Variants in IL1RAP observed in about 807,000 individuals in gnomAD.
The protein encoded by IL1RAP is interleukin 1 receptor accessory protein.
In IL1RAP, 35 loss-of-function variants were observed where a neutral mutation model predicts 60.7. The ratio of observed to expected loss-of-function variants is 0.58; its 90% CI spans 0.44 to 0.76. The LOEUF is 0.76. IL1RAP is among the 30% of genes least tolerant of loss of function. The pLI is 0.00. For synonymous variants in IL1RAP, 268 were observed against 250.9 expected, an observed-to-expected ratio of 1.07 and a Z score of -0.64; for missense variants, 572 against 693.9, an observed-to-expected ratio of 0.82 and a Z score of 1.97.
chr3:190,654,190 T>TCA (rs57074064), downstream of IL1RAP, among the ~76,000 whole-genome samples: 11,350 of 140,218 alleles, frequency 0.081, 460 homozygotes, highest in Middle Eastern at 0.094. Context: ...AAACATCATA[T>TCA]CACACACACA....
chr3:190,639,388 C>A (rs1398343099), intron 9 of IL1RAP, among the ~76,000 whole-genome samples: 1 of 152,066 alleles, frequency 6.6e-6, no homozygotes, highest in East Asian at 1.9e-4. Flanking sequence ...TGGCCATTTT[C>A]TTTGTGATGT....
At chr3:190,634,700 C>T (rs1733054442) in intron 9 of IL1RAP, among the ~76,000 whole-genome samples, 1 of 147,912 alleles carries the variant, frequency 6.8e-6, no homozygotes, top group African/African-American at 2.6e-5. Context: ...CTATCTGGGC[C>T]TGTTGTGTTT....
chr3:190,565,326 C>T (rs2108630727), intron 3 of IL1RAP, among the ~76,000 whole-genome samples: 2 of 152,240 alleles, frequency 1.3e-5, no homozygotes, highest in South Asian at 4.1e-4. Flanking sequence ...CATATCGTTG[C>T]TTTAATTCCT....
chr3:190,656,176 C>T (rs1734613366), downstream of IL1RAP: 1 of 1,537,254 alleles, frequency 6.5e-7, no homozygotes, highest in East Asian at 2.4e-5. Context: ...GTTGGCTCTT[C>T]CCCTGAGAAG....
intron 1 of IL1RAP, among the ~76,000 whole-genome samples, chr3:190,523,803 A>G (rs756515019): frequency 6.6e-6 from 1 of 152,132 alleles, no homozygotes; most frequent in Non-Finnish European, 1.5e-5. Context: ...TGTCTTTGCT[A>G]TTGTGAATAG....
At chr3:190,522,686 T>C (rs1228661171) in intron 1 of IL1RAP, among the ~76,000 whole-genome samples, 1 of 151,954 alleles carries the variant, frequency 6.6e-6, no homozygotes, top group Non-Finnish European at 1.5e-5. Context: ...TGGCAAACAA[T>C]TGGGATGGCA....
intron 5 of IL1RAP, chr3:190,615,338 T>C (rs748607220): frequency 4.7e-6 from 6 of 1,267,900 alleles, no homozygotes; most frequent in South Asian, 1.2e-5. Flanking sequence ...TCCAAACATA[T>C]AGAAGTAAAG....
chr3:190,624,759 G>T, intron 7 of IL1RAP: 1 of 189,190 alleles, frequency 5.3e-6, no homozygotes. Flanking sequence ...GAGTATGTAG[G>T]ATATGTATCA....
intron 7 of IL1RAP, among the ~76,000 whole-genome samples, chr3:190,626,654 T>G (rs1732294123): frequency 6.7e-6 from 1 of 150,162 alleles, no homozygotes; most frequent in Non-Finnish European, 1.5e-5. Context: ...AAAAGAATAT[T>G]GTCAGAGACC....
At chr3:190,620,545 A>G in intron 6 of IL1RAP, 105 bp downstream of exon 6, 1 of 1,051,298 alleles carries the variant, frequency 9.5e-7, no homozygotes, top group South Asian at 1.5e-5. Flanking sequence ...AAGAAAAGTG[A>G]TTCATGTTTT....
At chr3:190,630,543 G>A (rs1393755729) in intron 9 of IL1RAP, among the ~76,000 whole-genome samples, 1 of 152,140 alleles carries the variant, frequency 6.6e-6, no homozygotes, top group Non-Finnish European at 1.5e-5. Flanking sequence ...TGAAAAACAG[G>A]ATTCACCTCA....
chr3:190,655,917 T>C (rs1734606421), downstream of IL1RAP: 1 of 1,537,362 alleles, frequency 6.5e-7, no homozygotes. Context: ...TTGATTTCAT[T>C]CAGAGAAGCA....
rs1361515083 is a variant in IL1RAP at position 190,623,356 on chromosome 3, A to G, written c.716A>G (p.Asn239Ser). ...LTVKVVGSPK[N>S]AVPPVIHSPN... ...TCCTCTAACACAGGCTCTCCAAAAA[A>G]TGCAGTGCCCCCTGTGATCCATTCA... Residue 239 changes from asparagine (N) to serine (S), a missense_variant, in exon 7 of 12, where the codon AAT (asparagine) becomes AGT (serine). Asn to Ser is a conservative substitution (Grantham distance 46). Transcript: ENST00000447382. The G allele has an allele frequency of 6.2e-7, 1 of 1,613,262 alleles. No individual in the cohort carries two copies. Among genetic ancestry groups the G allele is most frequent in the Admixed American group, 1.7e-5 (1 of 60,020 alleles).
intron 3 of IL1RAP, among the ~76,000 whole-genome samples, chr3:190,567,803 T>G (rs1356948392): frequency 6.6e-6 from 1 of 152,210 alleles, no homozygotes; most frequent in Admixed American, 6.5e-5. Context: ...TAATACAAAA[T>G]TCAAACCCAA....
At chr3:190,611,124 A>T (rs2108769600) in intron 5 of IL1RAP, among the ~76,000 whole-genome samples, 1 of 152,318 alleles carries the variant, frequency 6.6e-6, no homozygotes, top group East Asian at 1.9e-4. Flanking sequence ...ATGAAAATTT[A>T]ATGATCCAAT....
intron 1 of IL1RAP, among the ~76,000 whole-genome samples, chr3:190,533,037 A>G (rs1723126995): frequency 6.6e-6 from 1 of 152,092 alleles, no homozygotes; most frequent in South Asian, 2.1e-4. Flanking sequence ...AAAAACCCCT[A>G]GTCTCCTAGT....
chr3:190,570,855 A>AT (rs964574955), intron 3 of IL1RAP, among the ~76,000 whole-genome samples: 9 of 151,822 alleles, frequency 5.9e-5, no homozygotes, highest in East Asian at 5.8e-4. Context: ...CTACTTTCAT[A>AT]TTTTTTTTAA....
At chr3:190,560,176 G>T (rs989121586) in intron 2 of IL1RAP, among the ~76,000 whole-genome samples, 2 of 152,182 alleles carry the variant, frequency 1.3e-5, no homozygotes, top group African/African-American at 4.8e-5. Flanking sequence ...AGAAATGCCA[G>T]ACCTACTCAG....
At position 190,624,599 on chromosome 3, in the gene IL1RAP, A is replaced by G. The variant is rs76591642; in HGVS notation, c.775+1184A>G. 8.5e-3 allele frequency: 1,313 copies of G among 153,618 alleles called. 19 individuals carry two copies. Among genetic ancestry groups the G allele is most frequent in the African/African-American group, 0.032 (1,269 of 40,098 alleles). 9.5% of individuals were successfully genotyped at this position (153,618 alleles called of 1,614,324 possible). A position where few individuals can be genotyped will look rare whatever the true frequency, so the allele number is the denominator to read the frequency against. The stretch of plus-strand genomic sequence containing the variant: ...AGTCAGTTGTTAATGGGTGAAAGCA[A>G]CGGAGAGGATGCCATTCAATAAAAA... On this transcript the variant is annotated intron_variant, in intron 7 of 11. Coordinates refer to ENST00000447382, the MANE Select transcript of IL1RAP (RefSeq NM_002182.4).
Sources: allele counts gnomAD v4.1 joint callset (sites outside exome capture counted in the v4.1 genomes callset), GRCh38; gene constraint gnomAD v4.1.1; transcripts MANE v1.5; gene names NCBI Gene and HGNC (gene_info 2026-07-23, HGNC 2026-07-21).